Variants in HIRA observed in about 807,000 individuals in gnomAD.
HIRA encodes protein HIRA.
Under a neutral mutation model 126.6 loss-of-function variants are expected in HIRA, and 13 were observed. That is an observed-to-expected ratio of 0.10 (90% CI 0.07 to 0.16). The LOEUF is 0.16. Among genes scored for constraint, HIRA ranks in the 10% least tolerant of loss-of-function variants. The pLI is 1.00. For missense variants in HIRA, 834 were observed against 1,314.4 expected, an observed-to-expected ratio of 0.63 and a Z score of 5.65; for synonymous variants, 511 against 520.0, an observed-to-expected ratio of 0.98 and a Z score of 0.24.
chr22:19,367,920 C>G (rs1217321491), intron 15 of HIRA, among the ~76,000 whole-genome samples: 3 of 152,166 alleles, frequency 2.0e-5, no homozygotes, highest in Admixed American at 2.0e-4. Flanking sequence ...AAGAGAGGCA[C>G]AACATAATGA....
At chr22:19,420,490 A>G (rs531511314) in intron 1 of HIRA, among the ~76,000 whole-genome samples, 97 of 151,308 alleles carry the variant, frequency 6.4e-4, no homozygotes, top group Non-Finnish European at 1.2e-3. Flanking sequence ...AACCAAACCA[A>G]AACAAAAAAC....
intron 13 of HIRA, among the ~76,000 whole-genome samples, chr22:19,383,149 A>C (rs766901548): frequency 7.2e-5 from 11 of 152,034 alleles, no homozygotes; most frequent in Non-Finnish European, 1.5e-4. Flanking sequence ...ACGAGTGGGG[A>C]AAAAAAAGAC....
intron 24 of HIRA, among the ~76,000 whole-genome samples, chr22:19,335,471 C>G (rs1426803245): frequency 6.6e-6 from 1 of 152,186 alleles, no homozygotes; most frequent in Non-Finnish European, 1.5e-5. Flanking sequence ...TCTTGAACTC[C>G]TGGCCTCAAG....
At chr22:19,339,670 T>C (rs544125499) in intron 24 of HIRA, among the ~76,000 whole-genome samples, 12 of 151,226 alleles carry the variant, frequency 7.9e-5, no homozygotes, top group African/African-American at 2.9e-4. Flanking sequence ...TAAGCTAAAT[T>C]AGAAACAAAA....
intron 1 of HIRA, among the ~76,000 whole-genome samples, chr22:19,424,302 T>C (rs758659641): frequency 1.1e-4 from 17 of 152,214 alleles, no homozygotes; most frequent in Non-Finnish European, 2.4e-4. Flanking sequence ...CATGACCTAG[T>C]TGGACCAATC....
At chr22:19,367,238 C>G (rs1195972479) in intron 15 of HIRA, among the ~76,000 whole-genome samples, 1 of 152,170 alleles carries the variant, frequency 6.6e-6, no homozygotes, top group Non-Finnish European at 1.5e-5. Flanking sequence ...ATAGTACAGT[C>G]ATCCTTTGGT....
chr22:19,421,571 T>G (rs2089446551), intron 1 of HIRA, among the ~76,000 whole-genome samples: 1 of 152,232 alleles, frequency 6.6e-6, no homozygotes, highest in South Asian at 2.1e-4. Context: ...CTTTGTGCAT[T>G]TTCTAATTTT....
chr22:19,405,791 G>A lies in HIRA; in HGVS notation c.392C>T (p.Ser131Leu). Residue 131 changes from serine (S) to leucine (L), a missense_variant, in exon 5 of 25, where the codon TCA (serine) becomes TTA (leucine). Around this residue, in one of 5 missense-constraint regions of HIRA, gnomAD observed 102 missense variants for 191.4 expected, o/e 0.53. Coordinates refer to ENST00000263208, the MANE Select transcript of HIRA (RefSeq NM_003325.4). ...WRCVSILRNH[S>L]GDVMDVAWSP... ...CAACAGGCAGTCCCACTCACCGCCT[G>A]AATGATTCCGGAGGATAGAGACACA... The A allele has an allele frequency of 6.9e-7, 1 of 1,454,120 alleles. No individual in the cohort carries two copies. The highest frequency in any genetic ancestry group is 1.5e-5 in the South Asian group (1 of 67,620). 90.1% of individuals were successfully genotyped at this position (1,454,120 alleles called of 1,614,324 possible). A position where few individuals can be genotyped will look rare whatever the true frequency, so the allele number is the denominator to read the frequency against.
At chr22:19,332,351 G>A (rs1261099942) in intron 24 of HIRA, among the ~76,000 whole-genome samples, 2 of 152,208 alleles carry the variant, frequency 1.3e-5, no homozygotes, top group African/African-American at 4.8e-5. Flanking sequence ...TTAGAGATGG[G>A]ATAAGCAGGA....
intron 15 of HIRA, among the ~76,000 whole-genome samples, chr22:19,368,249 C>A (rs2088932094): frequency 6.6e-6 from 1 of 152,270 alleles, no homozygotes; most frequent in South Asian, 2.1e-4. Flanking sequence ...ATCCTGGATT[C>A]TTTTCATTTG....
chr22:19,351,367 T>C lies in HIRA; in HGVS notation c.2928A>G (p.Ser976=). Residue 976 remains serine, a synonymous_variant, in exon 24 of 25, where the codon TCA becomes TCG. Coordinates refer to ENST00000263208, the MANE Select transcript of HIRA (RefSeq NM_003325.4). The surrounding 1 kb of genome is among the most constrained non-coding windows in gnomAD (Gnocchi z 4.8). ...TGAAAGAAGCACCTACCACTACTGT[T>C]GACTCCCACTGGCTTCCAGTGGAGT... ...VHYSTGSQWE[S]TVVGLRKREL... is the part of the protein sequence containing the mutation. 1.2e-6 allele frequency: 2 copies of C among 1,611,716 alleles called. No homozygotes were observed. The highest frequency in any genetic ancestry group is 1.7e-6 in the Non-Finnish European group (2 of 1,179,068).
chr22:19,350,641 CCTGA>C (rs1556010552), intron 24 of HIRA, among the ~76,000 whole-genome samples: 1 of 152,116 alleles, frequency 6.6e-6, no homozygotes, highest in Non-Finnish European at 1.5e-5. Context: ...GAAGATACTC[CCTGA>C]CTGTTTTTCT....
intron 18 of HIRA, among the ~76,000 whole-genome samples, chr22:19,358,430 G>A (rs1033454806): frequency 7.2e-5 from 11 of 152,188 alleles, no homozygotes; most frequent in African/African-American, 2.4e-4. Flanking sequence ...AGGCTGTGCC[G>A]ACACCCCTTA....
chr22:19,369,549 C>G (rs1307361615), intron 15 of HIRA, among the ~76,000 whole-genome samples: 1 of 152,182 alleles, frequency 6.6e-6, no homozygotes, highest in African/African-American at 2.4e-5. Context: ...TCCTCCCTCT[C>G]TGAGGAAGTG....
intron 1 of HIRA, among the ~76,000 whole-genome samples, chr22:19,427,265 A>G (rs928122161): frequency 5.9e-5 from 9 of 152,166 alleles, no homozygotes; most frequent in African/African-American, 2.2e-4. Context: ...GCCCTGTAGA[A>G]CCACTGATCT....
chr22:19,355,786 G>A lies in HIRA; in HGVS notation c.2535C>T (p.Tyr845=), dbSNP rs782245373. Residue 845 remains tyrosine, a synonymous_variant, in exon 21 of 25, where the codon TAC becomes TAT. Coordinates refer to ENST00000263208, the MANE Select transcript of HIRA (RefSeq NM_003325.4). ...PVMNLSDGKA[Y]CFNPSLSTWN... is the part of the protein sequence containing the mutation. ...ATGTGGAAAGTGACGGATTAAAGCA[G>A]TACGCCTTCCCATCGGACAGGTTCA... is the stretch of plus-strand genomic sequence containing the variant. The A allele has an allele frequency of 3.7e-6, 6 of 1,613,668 alleles. No homozygotes were observed. In the South Asian group the frequency reaches 5.5e-5, roughly 15 times the overall value.
Position 19,355,963 on chromosome 22 carries a change from C to T in HIRA, c.2456-98G>A, listed in dbSNP as rs576379655. ...ATCTGTACTCTAGGCTCCCACAGTC[C>T]CAGCAGCAAATGCATCAACACTGCC... is the stretch of plus-strand genomic sequence containing the variant. On this transcript the variant is annotated intron_variant, in intron 20 of 24. Transcript: ENST00000263208. The T allele has an allele frequency of 6.9e-6, 6 of 874,810 alleles. No homozygotes were observed. In the East Asian group the frequency reaches 1.1e-4, roughly 15 times the overall value. The allele number at this position is 874,810 out of a possible 1,614,324, so 54.2% of individuals were successfully genotyped here.
chr22:19,431,067 TCCCGGTTTCA>T (rs2089532900), intron 1 of HIRA, among the ~76,000 whole-genome samples: 1 of 152,158 alleles, frequency 6.6e-6, no homozygotes, highest in Admixed American at 6.5e-5. Flanking sequence ...GGGGATTTCA[TCCCGGTTTCA>T]CCTTCAGGAC....
intron 13 of HIRA, among the ~76,000 whole-genome samples, chr22:19,380,634 A>G (rs1398510430): frequency 2.6e-5 from 4 of 152,096 alleles, no homozygotes; most frequent in Admixed American, 6.6e-5. Flanking sequence ...TTTATTTGAT[A>G]CAAAGTCTCA....
Sources: gnomAD v4.1 joint callset for allele counts (sites outside exome capture counted in the v4.1 genomes callset) on GRCh38, gnomAD v4.1.1 for gene constraint, gnomAD v4.1.1 regional missense constraint, Gnocchi (gnomAD v3.1) non-coding constraint, MANE v1.5 for transcripts, NCBI Gene and HGNC (gene_info 2026-07-23, HGNC 2026-07-21) for gene names.